Variants in ENPP3 observed in about 807,000 individuals in gnomAD.
ENPP3 encodes the protein ectonucleotide pyrophosphatase/phosphodiesterase family member 3.
In ENPP3, 104 loss-of-function variants were observed where a neutral mutation model predicts 117.8. The ratio of observed to expected loss-of-function variants is 0.88; its 90% CI spans 0.75 to 1.04. The LOEUF (loss-of-function observed/expected upper bound fraction) is 1.04, where lower values mean the gene tolerates loss of function less well. Among genes scored for constraint, ENPP3 ranks in the 50% least tolerant of loss-of-function variants. The probability of loss-of-function intolerance (pLI) is 0.00; values close to 1 mark genes in which losing one functional copy is unlikely to be tolerated. For synonymous variants in ENPP3, 380 were observed against 349.9 expected (o/e 1.09, Z -0.96); for missense variants, 1,026 against 1,051.9 (o/e 0.98, Z 0.34).
chr6:131,703,592 A>G (rs1282537509), intron 15 of ENPP3, among the ~76,000 whole-genome samples: 1 of 136,302 alleles, frequency 7.3e-6, no homozygotes, highest in Non-Finnish European at 1.5e-5. Flanking sequence ...CTTAAATTAT[A>G]TTTGAGCAGA....
intron 7 of ENPP3, among the ~76,000 whole-genome samples, chr6:131,673,714 C>CAGAA (rs1215891806): frequency 7.9e-5 from 12 of 151,418 alleles, no homozygotes; most frequent in Non-Finnish European, 1.3e-4. Context: ...GACAGACAGA[C>CAGAA]AGACAGAAAG....
chr6:131,746,652 T>A, intron 24 of ENPP3, 134 bp from the exon 25 acceptor site: 1 of 662,382 alleles, frequency 1.5e-6, no homozygotes, highest in Non-Finnish European at 2.5e-6. Context: ...AAAAACTAAA[T>A]TTAGCTGTAT....
intron 20 of ENPP3, among the ~76,000 whole-genome samples, chr6:131,729,854 C>T (rs572793595): frequency 6.6e-6 from 1 of 152,046 alleles, no homozygotes; most frequent in South Asian, 2.1e-4. Flanking sequence ...TTTCGGTTAG[C>T]AGAAAATGTG....
chr6:131,640,868 G>A (rs1410145794), intron 1 of ENPP3, among the ~76,000 whole-genome samples: 1 of 152,160 alleles, frequency 6.6e-6, no homozygotes, highest in Non-Finnish European at 1.5e-5. Flanking sequence ...GAGCGATAAT[G>A]AATGACATAA....
At chr6:131,654,317 T>G (rs1029612964) in intron 5 of ENPP3, among the ~76,000 whole-genome samples, 2 of 152,016 alleles carry the variant, frequency 1.3e-5, no homozygotes, top group Admixed American at 1.3e-4. Flanking sequence ...TTTTGTATTT[T>G]TTTTGTACAG....
At chr6:131,717,111 T>G (rs1039209351) in intron 15 of ENPP3, among the ~76,000 whole-genome samples, 2 of 152,190 alleles carry the variant, frequency 1.3e-5, no homozygotes, top group Non-Finnish European at 2.9e-5. Context: ...TGTCTTGCTT[T>G]CCCCATTCCA....
chr6:131,686,939 T>C (rs1779166138), intron 14 of ENPP3, among the ~76,000 whole-genome samples: 1 of 152,202 alleles, frequency 6.6e-6, no homozygotes, highest in Non-Finnish European at 1.5e-5. Context: ...GTTGATTCCA[T>C]GTCTTTGCTA....
intron 15 of ENPP3, among the ~76,000 whole-genome samples, chr6:131,715,887 A>AT (rs1471267798): frequency 1.3e-5 from 2 of 152,198 alleles, no homozygotes; most frequent in East Asian, 1.9e-4. Context: ...AATCAAGTAT[A>AT]TACCCAGCCC....
intron 5 of ENPP3, 61 bp downstream of exon 5, chr6:131,652,952 A>G (rs1364649280): frequency 1.1e-5 from 12 of 1,127,154 alleles, no homozygotes; most frequent in Non-Finnish European, 1.5e-5. Flanking sequence ...ATAAGAATGT[A>G]GTTAGTTGAG....
intron 15 of ENPP3, among the ~76,000 whole-genome samples, chr6:131,703,920 A>T: frequency 6.6e-6 from 1 of 151,714 alleles, no homozygotes; most frequent in Non-Finnish European, 1.5e-5. Flanking sequence ...GAACCCAACC[A>T]CTGTTATTCT....
rs770927824 is a variant in ENPP3 at position 131,663,006 on chromosome 6, A to G, written c.562+4586A>G. Among the ~76,000 whole-genome samples, 5 of 152,122 alleles carry G rather than the reference A, an allele frequency of 3.3e-5. No homozygotes were observed. In the South Asian group the frequency reaches 1.0e-3, roughly 31 times the overall value. The stretch of plus-strand genomic sequence containing the variant: ...ACATAGAAATGCAACTGATTTTTGT[A>G]TGTTGATTTTGTATCCTGCAATTTT... On this transcript the variant is annotated intron_variant, in intron 6 of 24. Transcript: ENST00000357639.
intron 24 of ENPP3, 86 bp downstream of exon 24, chr6:131,740,466 A>AT (rs990333994): frequency 2.7e-5 from 28 of 1,039,336 alleles, no homozygotes; most frequent in Non-Finnish European, 3.5e-5. Context: ...TGACTAAAAC[A>AT]TTTTTTTTAG....
At chr6:131,676,194 G>C (rs1158777930) in intron 9 of ENPP3, among the ~76,000 whole-genome samples, 1 of 149,602 alleles carries the variant, frequency 6.7e-6, no homozygotes, top group Non-Finnish European at 1.5e-5. Context: ...TCTTACCCCA[G>C]TTATACTTAA....
intron 5 of ENPP3, among the ~76,000 whole-genome samples, chr6:131,654,376 A>G (rs60823907): frequency 0.013 from 1,968 of 152,144 alleles, 41 homozygotes; most frequent in African/African-American, 0.043. Flanking sequence ...CCTGAACTCA[A>G]CTGATCCTCC....
chr6:131,685,527 G>C (rs757862894), intron 13 of ENPP3, 32 bp downstream of exon 13: 3 of 1,603,466 alleles, frequency 1.9e-6, no homozygotes, highest in African/African-American at 2.7e-5. Flanking sequence ...TGAAAAAAAG[G>C]GTAAACCTGA....
chr6:131,651,514 C>T (rs759126158), intron 3 of ENPP3, among the ~76,000 whole-genome samples: 10 of 152,128 alleles, frequency 6.6e-5, no homozygotes, highest in African/African-American at 2.4e-4. Context: ...TCTCAAACGT[C>T]GAGGTGCAAT....
intron 12 of ENPP3, among the ~76,000 whole-genome samples, chr6:131,684,915 A>G (rs6922526): frequency 0.24 from 36,803 of 151,604 alleles, 6,611 homozygotes; most frequent in African/African-American, 0.49. Context: ...CTCTCGAGTA[A>G]ATGGGACTAT....
intron 9 of ENPP3, among the ~76,000 whole-genome samples, chr6:131,675,703 G>A (rs1026231153): frequency 2.6e-5 from 4 of 152,116 alleles, no homozygotes; most frequent in Admixed American, 6.5e-5. Flanking sequence ...GCATGGTGGC[G>A]CATTACCTCT....
chr6:131,679,069 C>CTT (rs532232598), intron 11 of ENPP3, among the ~76,000 whole-genome samples: 1 of 126,430 alleles, frequency 7.9e-6, no homozygotes, highest in Non-Finnish European at 1.6e-5. Context: ...TTCTTTCTTT[C>CTT]TTTCTTTCTT....
Sources: allele counts gnomAD v4.1 joint callset (sites outside exome capture counted in the v4.1 genomes callset), GRCh38; gene constraint gnomAD v4.1.1; transcripts MANE v1.5; gene names NCBI Gene and HGNC (gene_info 2026-07-23, HGNC 2026-07-21).